Variants in PCNX1 observed in about 807,000 individuals in gnomAD.
The protein encoded by PCNX1 is pecanex 1, also known as pecanex-like protein 1.
In PCNX1, 78 loss-of-function variants were observed where a neutral mutation model predicts 242.2. The ratio of observed to expected loss-of-function variants is 0.32; its 90% CI spans 0.27 to 0.39. The LOEUF is 0.39. Ranked by LOEUF, PCNX1 falls within the 10% of genes least tolerant of loss-of-function variation. The probability of loss-of-function intolerance (pLI) is 1.00; values close to 1 mark genes in which losing one functional copy is unlikely to be tolerated. For synonymous variants in PCNX1, 1,024 were observed against 1,032.9 expected (o/e 0.99, Z 0.17); for missense variants, 2,581 against 2,856.5 (o/e 0.90, Z 2.20).
chr14:71,050,171 T>TA (rs908549523), intron 22 of PCNX1, among the ~76,000 whole-genome samples: 10 of 151,916 alleles, frequency 6.6e-5, no homozygotes, highest in South Asian at 2.1e-4. Flanking sequence ...TTTTCTTTTT[T>TA]TTTATTTATT....
At chr14:70,989,895 CT>C (rs1351862031) in intron 7 of PCNX1, among the ~76,000 whole-genome samples, 1 of 152,176 alleles carries the variant, frequency 6.6e-6, no homozygotes, top group African/African-American at 2.4e-5. Flanking sequence ...ATACAAAATA[CT>C]TTCATTAGCC....
chr14:70,935,513 A>G (rs963879370), intron 1 of PCNX1, among the ~76,000 whole-genome samples: 1 of 152,234 alleles, frequency 6.6e-6, no homozygotes, highest in African/African-American at 2.4e-5. Flanking sequence ...TGTTTTAAGC[A>G]TTCATGATCT....
chr14:70,908,866 G>T (rs1306080024), intron 1 of PCNX1, among the ~76,000 whole-genome samples: 1 of 152,212 alleles, frequency 6.6e-6, no homozygotes, highest in Non-Finnish European at 1.5e-5. Flanking sequence ...TGTTTTTAAA[G>T]CAACATTGAA....
intron 13 of PCNX1, among the ~76,000 whole-genome samples, chr14:71,025,566 C>A (rs1266553200): frequency 1.3e-5 from 2 of 152,018 alleles, no homozygotes; most frequent in African/African-American, 4.8e-5. Context: ...TACATATATA[C>A]ACACGTATAT....
intron 3 of PCNX1, among the ~76,000 whole-genome samples, chr14:70,965,107 A>G (rs2058337687): frequency 1.3e-5 from 2 of 152,190 alleles, no homozygotes; most frequent in African/African-American, 4.8e-5. Context: ...TAGTAGCTAC[A>G]TCGTGGTCAT....
In PCNX1 at chr14:70,961,198, A is replaced by G. The variant is rs537553632; in HGVS notation, c.363-1028A>G. The stretch of plus-strand genomic sequence containing the variant: ...TTCATATGGAACCAAAAAAGAGCCC[A>G]CATCGCCAAGTCAATCCTAAGCCAA... On this transcript the variant is annotated intron_variant, in intron 2 of 35. Coordinates refer to ENST00000304743, the MANE Select transcript of PCNX1 (RefSeq NM_014982.3). Among the ~76,000 whole-genome samples the G allele has an allele frequency of 3.7e-3, 569 of 152,244 alleles. 1 individual carries two copies. The highest frequency in any genetic ancestry group is 0.013 in the African/African-American group (545 of 41,542).
chr14:71,069,065 G>A (rs1393252650), intron 26 of PCNX1, among the ~76,000 whole-genome samples: 1 of 152,058 alleles, frequency 6.6e-6, no homozygotes, highest in Non-Finnish European at 1.5e-5. Context: ...GAAGGTGAAA[G>A]GCATATCTTA....
At position 71,036,040 on chromosome 14, in the gene PCNX1, T is replaced by G. The variant is rs779734895; in HGVS notation, c.3775-25T>G. ...TTTTTAAAAATTTTATGTAATTGTT[T>G]AATAATTCTTTTTTTTCCCCACAGA... is the stretch of plus-strand genomic sequence containing the variant. On this transcript the variant is annotated intron_variant, in intron 18 of 35. Coordinates refer to ENST00000304743, the MANE Select transcript of PCNX1 (RefSeq NM_014982.3). 40 of 1,420,964 alleles carry G rather than the reference T, an allele frequency of 2.8e-5. No individual in the cohort carries two copies. The East Asian group carries it at 8.9e-4, about 32-fold the overall frequency. 88.0% of individuals were successfully genotyped at this position (1,420,964 alleles called of 1,614,324 possible). A position where few individuals can be genotyped will look rare whatever the true frequency, so the allele number is the denominator to read the frequency against.
intron 2 of PCNX1, among the ~76,000 whole-genome samples, chr14:70,949,352 T>G (rs2057676449): frequency 6.8e-6 from 1 of 148,048 alleles, no homozygotes; most frequent in Non-Finnish European, 1.5e-5. Flanking sequence ...TACACGCACG[T>G]GCATATATAC....
Position 70,962,218 on chromosome 14 carries a change from C to T in PCNX1, c.363-8C>T. The T allele has an allele frequency of 1.9e-6, 3 of 1,543,106 alleles. No homozygotes were observed. The highest frequency in any genetic ancestry group is 2.7e-6 in the Non-Finnish European group (3 of 1,115,902). On this transcript the variant is annotated splice_region_variant and splice_polypyrimidine_tract_variant and intron_variant, in intron 2 of 35. Coordinates refer to ENST00000304743, the MANE Select transcript of PCNX1 (RefSeq NM_014982.3). Reference sequence around the variant, plus strand: ...CAGTTACTCTTTTTCTCATTTTTTTCTCCACAGTGATCCTGGTGGAGGGAT... The same window carrying T: ...CAGTTACTCTTTTTCTCATTTTTTTTTCCACAGTGATCCTGGTGGAGGGAT...
At chr14:71,053,670 A>G (rs974934617) in intron 24 of PCNX1, among the ~76,000 whole-genome samples, 2 of 152,164 alleles carry the variant, frequency 1.3e-5, no homozygotes, top group African/African-American at 2.4e-5. Flanking sequence ...TATGGATTTT[A>G]TCTACTAATA....
chr14:71,009,075 T>C (rs888334549), intron 8 of PCNX1, among the ~76,000 whole-genome samples: 1 of 152,256 alleles, frequency 6.6e-6, no homozygotes, highest in African/African-American at 2.4e-5. Context: ...CATAGCGCTC[T>C]TGTGGTAGAA....
intron 19 of PCNX1, among the ~76,000 whole-genome samples, chr14:71,042,317 A>C (rs931649635): frequency 5.3e-5 from 8 of 152,096 alleles, no homozygotes; most frequent in African/African-American, 1.4e-4. Context: ...CATTAGCTTT[A>C]ATAATATTTG....
intron 13 of PCNX1, among the ~76,000 whole-genome samples, chr14:71,024,129 C>G (rs1201821352): frequency 6.6e-6 from 1 of 152,156 alleles, no homozygotes; most frequent in East Asian, 1.9e-4. Flanking sequence ...TAATCCCTTT[C>G]TAGCACATGA....
intron 5 of PCNX1, among the ~76,000 whole-genome samples, chr14:70,975,531 C>A (rs1383963795): frequency 6.6e-6 from 1 of 151,942 alleles, no homozygotes; most frequent in South Asian, 2.1e-4. Context: ...TTCTTTTAAT[C>A]TTAGGGGGAA....
chr14:70,969,566 T>C (rs555052961), intron 5 of PCNX1, among the ~76,000 whole-genome samples: 4 of 149,500 alleles, frequency 2.7e-5, no homozygotes, highest in Non-Finnish European at 6.0e-5. Flanking sequence ...TATAAAGAAA[T>C]ACCTGAGATT....
At chr14:71,069,641 G>A (rs2061541348) in intron 26 of PCNX1, among the ~76,000 whole-genome samples, 1 of 152,192 alleles carries the variant, frequency 6.6e-6, no homozygotes, top group Non-Finnish European at 1.5e-5. Context: ...TTATATGGTA[G>A]TGTATTAAAT....
intron 29 of PCNX1, among the ~76,000 whole-genome samples, chr14:71,088,880 C>A (rs1435815650): frequency 6.6e-6 from 1 of 152,108 alleles, no homozygotes; most frequent in Non-Finnish European, 1.5e-5. Flanking sequence ...TTAAGAAATA[C>A]CACATATTTT....
intron 1 of PCNX1, among the ~76,000 whole-genome samples, chr14:70,928,242 C>T (rs1430549797): frequency 6.6e-6 from 1 of 152,076 alleles, no homozygotes; most frequent in African/African-American, 2.4e-5. Context: ...TAAATGTATC[C>T]TGAACTGGCA....
Sources: gnomAD v4.1 joint callset for allele counts (sites outside exome capture counted in the v4.1 genomes callset) on GRCh38, gnomAD v4.1.1 for gene constraint, MANE v1.5 for transcripts, NCBI Gene and HGNC (gene_info 2026-07-23, HGNC 2026-07-21) for gene names.